GFRA1: variants seen among roughly 807,000 people sequenced by gnomAD.
The protein encoded by GFRA1 is GDNF family receptor alpha 1, also known as GDNF family receptor alpha-1.
A neutral mutation model predicts 51.6 loss-of-function variants in GFRA1; 16 were observed. The observed-to-expected ratio is 0.31, with a 90% confidence interval of 0.21 to 0.47. GFRA1 has a LOEUF of 0.47. Among genes scored for constraint, GFRA1 ranks in the 20% least tolerant of loss-of-function variants. The pLI is 1.00. For synonymous variants in GFRA1, 270 were observed against 241.3 expected (o/e 1.12, Z -1.10); for missense variants, 530 against 594.3 (o/e 0.89, Z 1.13).
chr10:116,223,763 T>A (rs768670665), intron 4 of GFRA1, among the ~76,000 whole-genome samples: 5 of 152,220 alleles, frequency 3.3e-5, no homozygotes, highest in Non-Finnish European at 7.3e-5. Context: ...GGAAAGTTCA[T>A]CTGGCAGTTT....
intron 5 of GFRA1, among the ~76,000 whole-genome samples, chr10:116,163,554 G>T (rs1274550209): frequency 6.6e-6 from 1 of 152,178 alleles, no homozygotes; most frequent in Non-Finnish European, 1.5e-5. Flanking sequence ...AATACAATTT[G>T]CTCATTGGAA....
At chr10:116,177,656 G>A (rs1313243594) in intron 5 of GFRA1, among the ~76,000 whole-genome samples, 1 of 152,208 alleles carries the variant, frequency 6.6e-6, no homozygotes, top group Non-Finnish European at 1.5e-5. Flanking sequence ...ATGTACCATC[G>A]AGGAGATGGC....
At chr10:116,137,653 A>C (rs929737654) in intron 5 of GFRA1, among the ~76,000 whole-genome samples, 2 of 152,210 alleles carry the variant, frequency 1.3e-5, no homozygotes, top group African/African-American at 4.8e-5. Context: ...CAGGGTTCTT[A>C]AAAGACAGTA....
intron 9 of GFRA1, among the ~76,000 whole-genome samples, chr10:116,080,893 A>C (rs1328035531): frequency 1.3e-5 from 2 of 152,092 alleles, no homozygotes; most frequent in Admixed American, 6.5e-5. Flanking sequence ...AACTCTAACA[A>C]AACTTTGGAG....
intron 9 of GFRA1, among the ~76,000 whole-genome samples, chr10:116,075,461 T>C (rs12247951): frequency 0.021 from 3,139 of 152,244 alleles, 108 homozygotes; most frequent in African/African-American, 0.07. Context: ...GATGAAGGAT[T>C]TAATTTGTTT....
intron 4 of GFRA1, among the ~76,000 whole-genome samples, chr10:116,240,416 A>G (rs1967260543): frequency 6.6e-6 from 1 of 152,196 alleles, no homozygotes; most frequent in East Asian, 1.9e-4. Context: ...GCACCCACTG[A>G]CTAGTTTCTT....
Position 116,060,000 on chromosome 10 carries a change from A to AG in GFRA1, c.*4397dup, listed in dbSNP as rs1954726106. 6.6e-6 allele frequency: 1 copy of AG among 152,232 alleles called. No homozygotes were observed. Among genetic ancestry groups the AG allele is most frequent in the Non-Finnish European group, 1.5e-5 (1 of 68,042 alleles). 9.4% of individuals were successfully genotyped at this position (152,232 alleles called of 1,614,324 possible). ...TAGGCAATAAAGAACAAGGTGGTGG[A>AG]GGGAGGCCTGAATAATAACGATGAA... On this transcript the variant is annotated 3_prime_UTR_variant, in exon 11 of 11. Coordinates refer to ENST00000355422, the MANE Select transcript of GFRA1 (RefSeq NM_005264.8).
In GFRA1 at chr10:116,173,866, C is replaced by T. The variant is rs916873856; in HGVS notation, c.433+37765G>A. ...CCAAGGCGGGCGGATCACCTAAGGT[C>T]GGGAGTTCGATCGAGACCAGCCTGA... On this transcript the variant is annotated intron_variant, in intron 5 of 10. Coordinates refer to ENST00000355422, the MANE Select transcript of GFRA1 (RefSeq NM_005264.8). Among the ~76,000 whole-genome samples the T allele has an allele frequency of 3.1e-4, 30 of 97,948 alleles. No homozygotes were observed. In the East Asian group the frequency reaches 7.1e-3, roughly 23 times the overall value. 64.3% of individuals were successfully genotyped at this position (97,948 alleles called of 152,430 possible). A position where few individuals can be genotyped will look rare whatever the true frequency, so the allele number is the denominator to read the frequency against.
At position 116,057,794 on chromosome 10, in the gene GFRA1, C is replaced by T. The variant is rs1954610318; in HGVS notation, c.*6604G>A. On this transcript the variant is annotated 3_prime_UTR_variant, in exon 11 of 11. Transcript: ENST00000355422. ...TCTTCCTGAATCCAGAAAAGCACAT[C>T]AGAAATGCCCAATGACAGACCACAG... 2 of 151,292 alleles carry T rather than the reference C, an allele frequency of 1.3e-5. No individual in the cohort carries two copies. Among genetic ancestry groups the T allele is most frequent in the Admixed American group, 6.6e-5 (1 of 15,234 alleles). The allele number at this position is 151,292 out of a possible 1,614,324, so 9.4% of individuals were successfully genotyped here.
rs181587518 is a variant in GFRA1, at chr10:116,070,473, T to G, written c.1198-4847A>C. Among the ~76,000 whole-genome samples, 13 of 152,282 alleles carry G rather than the reference T, an allele frequency of 8.5e-5. No individual in the cohort carries two copies. In the East Asian group the frequency reaches 2.1e-3, roughly 25 times the overall value. ...CATTTCTCAGTTTAAATCTACATAT[T>G]TTATGTTCCGTTGTAAGACAAGCCA... On this transcript the variant is annotated intron_variant, in intron 9 of 10. Transcript: ENST00000355422.
rs779742515 is a variant in GFRA1 at position 116,175,893 on chromosome 10, G to A, written c.433+35738C>T. Among the ~76,000 whole-genome samples, 43 of 152,252 alleles carry A rather than the reference G, an allele frequency of 2.8e-4. 1 individual carries two copies. The highest frequency in any genetic ancestry group is 4.4e-4 in the Non-Finnish European group (30 of 68,022). On this transcript the variant is annotated intron_variant, in intron 5 of 10. Coordinates refer to ENST00000355422, the MANE Select transcript of GFRA1 (RefSeq NM_005264.8). ...CAGGACCTAAGCATGAAGTCGAAAA[G>A]CAGGCCCACATGTGAGGTGGAGTTC...
At chr10:116,228,362 C>T (rs1966450618) in intron 4 of GFRA1, among the ~76,000 whole-genome samples, 1 of 152,194 alleles carries the variant, frequency 6.6e-6, no homozygotes, top group Non-Finnish European at 1.5e-5. Flanking sequence ...GCCAGGATTG[C>T]TCCAAAAGAT....
At chr10:116,110,903 T>C (rs1446651982) in intron 6 of GFRA1, among the ~76,000 whole-genome samples, 1 of 152,166 alleles carries the variant, frequency 6.6e-6, no homozygotes, top group Non-Finnish European at 1.5e-5. Context: ...AGATGTACCA[T>C]GTACTTGTAC....
rs1416647949 is a variant in GFRA1, at chr10:116,058,040, G to GTGTGTGTGTGTA, written c.*6357_*6358insTACACACACACA. ...TGTGTGTGTGTGTGTGTGTGTGTGT[G>GTGTGTGTGTGTA]TGACAGAGAGAACCACGCTTTATTG... On this transcript the variant is annotated 3_prime_UTR_variant, in exon 11 of 11. Coordinates refer to ENST00000355422, the MANE Select transcript of GFRA1 (RefSeq NM_005264.8). 22 of 141,444 alleles carry GTGTGTGTGTGTA rather than the reference G, an allele frequency of 1.6e-4. No homozygotes were observed. The highest frequency in any genetic ancestry group is 5.6e-4 in the African/African-American group (21 of 37,540). 8.8% of individuals were successfully genotyped at this position (141,444 alleles called of 1,614,324 possible). A position where few individuals can be genotyped will look rare whatever the true frequency, so the allele number is the denominator to read the frequency against.
chr10:116,258,370 A>G (rs1969041111), intron 4 of GFRA1, among the ~76,000 whole-genome samples: 1 of 7,726 alleles, frequency 1.3e-4, no homozygotes, highest in Admixed American at 2.6e-3. Context: ...TAATAATAAA[A>G]TAATATCTAA....
At chr10:116,234,200 C>T (rs1267872868) in intron 4 of GFRA1, among the ~76,000 whole-genome samples, 1 of 152,138 alleles carries the variant, frequency 6.6e-6, no homozygotes, top group Non-Finnish European at 1.5e-5. Flanking sequence ...CTTTTTTCCC[C>T]CTTCAGTGAA....
At chr10:116,221,992 G>A (rs1965957635) in intron 4 of GFRA1, among the ~76,000 whole-genome samples, 1 of 152,104 alleles carries the variant, frequency 6.6e-6, no homozygotes, top group African/African-American at 2.4e-5. Flanking sequence ...AGAGAGTAAG[G>A]AAGGGGAGAA....
chr10:116,087,878 G>A (rs763717820), intron 9 of GFRA1, among the ~76,000 whole-genome samples: 11 of 152,284 alleles, frequency 7.2e-5, no homozygotes, highest in East Asian at 5.8e-4. Flanking sequence ...ACTCGGCCTC[G>A]CTGCAGGATG....
chr10:116,261,127 A>G (rs1418632253), intron 4 of GFRA1, among the ~76,000 whole-genome samples: 2 of 152,206 alleles, frequency 1.3e-5, no homozygotes, highest in Non-Finnish European at 2.9e-5. Context: ...AAGAAAATAA[A>G]GTGTAGTATC....
Sources: allele counts gnomAD v4.1 joint callset (sites outside exome capture counted in the v4.1 genomes callset), GRCh38; gene constraint gnomAD v4.1.1; transcripts MANE v1.5; gene names NCBI Gene and HGNC (gene_info 2026-07-23, HGNC 2026-07-21).